KCNN2: variants seen among roughly 807,000 people sequenced by gnomAD.
KCNN2 encodes the protein small conductance calcium-activated potassium channel protein 2.
A neutral mutation model predicts 55.5 loss-of-function variants in KCNN2; 24 were observed. The observed-to-expected ratio is 0.43, with a 90% CI of 0.31 to 0.61. KCNN2 has a LOEUF of 0.61. Among genes scored for constraint, KCNN2 ranks in the 20% least tolerant of loss-of-function variants. The pLI is 0.08. For synonymous variants in KCNN2, 431 were observed against 336.1 expected (o/e 1.28, Z -3.09); for missense variants, 754 against 853.6 (o/e 0.88, Z 1.45).
At chr5:114,107,208 T>C (rs1366913440) in intron 1 of KCNN2, among the ~76,000 whole-genome samples, 2 of 152,108 alleles carry the variant, frequency 1.3e-5, no homozygotes, top group African/African-American at 4.8e-5. Context: ...ATCATACATG[T>C]TTGAGGCTAC....
chr5:114,143,955 C>T (rs528467926), intron 1 of KCNN2, among the ~76,000 whole-genome samples: 46 of 152,174 alleles, frequency 3.0e-4, no homozygotes, highest in Admixed American at 9.2e-4. Flanking sequence ...AAATTATACA[C>T]GAACAAAATT....
At chr5:114,389,632 G>C (rs956817101) in intron 2 of KCNN2, among the ~76,000 whole-genome samples, 1 of 152,118 alleles carries the variant, frequency 6.6e-6, no homozygotes, top group African/African-American at 2.4e-5. Context: ...CAAATACCGT[G>C]TGAACTGTGA....
intron 2 of KCNN2, among the ~76,000 whole-genome samples, chr5:114,317,455 T>G (rs1443167279): frequency 6.6e-6 from 1 of 152,202 alleles, no homozygotes; most frequent in East Asian, 1.9e-4. Flanking sequence ...ATATTATTCA[T>G]TGTTTAAAGT....
intron 1 of KCNN2, among the ~76,000 whole-genome samples, chr5:114,156,715 T>C (rs1752642730): frequency 6.6e-6 from 1 of 152,166 alleles, no homozygotes; most frequent in African/African-American, 2.4e-5. Flanking sequence ...TGGTGATTTG[T>C]GCACATTGAT....
chr5:114,313,194 T>C (rs768964710), intron 2 of KCNN2, among the ~76,000 whole-genome samples: 1 of 152,114 alleles, frequency 6.6e-6, no homozygotes, highest in South Asian at 2.1e-4. Flanking sequence ...TGCTGGAACA[T>C]TGAAGATTGT....
intron 1 of KCNN2, among the ~76,000 whole-genome samples, chr5:114,187,807 C>T (rs933816095): frequency 1.3e-5 from 2 of 149,538 alleles, no homozygotes; most frequent in African/African-American, 4.9e-5. Context: ...TGCCCGGCCC[C>T]CTTTTTTTTC....
In KCNN2 at chr5:114,453,500, C is replaced by T. The variant is rs1437985566; in HGVS notation, c.1638-9549C>T. Among the ~76,000 whole-genome samples the T allele has an allele frequency of 2.6e-5, 4 of 152,276 alleles. No homozygotes were observed. The East Asian group carries it at 7.7e-4, about 29-fold the overall frequency. On this transcript the variant is annotated intron_variant, in intron 3 of 7. Coordinates refer to ENST00000673685, the MANE Select transcript of KCNN2 (RefSeq NM_021614.4). ...CCATGACTTAGGTCATTTCTTATTTCGTATACATATTCTCAGTAGAATCTT... is the reference window on the plus strand; with the variant it reads ...CCATGACTTAGGTCATTTCTTATTTTGTATACATATTCTCAGTAGAATCTT...
intron 2 of KCNN2, among the ~76,000 whole-genome samples, chr5:114,369,015 A>G (rs772673401): frequency 3.9e-5 from 6 of 151,992 alleles, no homozygotes; most frequent in Non-Finnish European, 7.4e-5. Flanking sequence ...ATCCTTATAT[A>G]TTTATTTTAA....
chr5:114,101,126 G>C (rs903179642), intron 1 of KCNN2, among the ~76,000 whole-genome samples: 6 of 151,720 alleles, frequency 4.0e-5, no homozygotes, highest in Non-Finnish European at 7.4e-5. Context: ...ATATTATTTG[G>C]TACATGTTTA....
chr5:114,344,720 C>T (rs1483163421), intron 2 of KCNN2, among the ~76,000 whole-genome samples: 2 of 152,192 alleles, frequency 1.3e-5, no homozygotes, highest in Admixed American at 6.5e-5. Context: ...AGAGTCTAAG[C>T]GTTTAGAGGT....
chr5:114,339,099 TTC>T (rs1421360434), intron 2 of KCNN2, among the ~76,000 whole-genome samples: 1 of 152,224 alleles, frequency 6.6e-6, no homozygotes, highest in East Asian at 1.9e-4. Flanking sequence ...TTGGTGGTTT[TTC>T]TCTTTCTTTG....
rs369323751 is a variant in KCNN2, at chr5:114,430,062, T to C, written c.1637+25206T>C. ...TAAGTCTCGAAGTCAAATAGTGTTATTCCTCTAAACTTATTCTTCTCCTTC... is the reference window on the plus strand; with the variant it reads ...TAAGTCTCGAAGTCAAATAGTGTTACTCCTCTAAACTTATTCTTCTCCTTC... On this transcript the variant is annotated intron_variant, in intron 3 of 7. Transcript: ENST00000673685. Among the ~76,000 whole-genome samples, 21 of 152,200 alleles carry C rather than the reference T, an allele frequency of 1.4e-4. No homozygotes were observed. In the South Asian group the frequency reaches 4.4e-3, roughly 32 times the overall value.
At chr5:114,206,656 T>C (rs932444859) in intron 1 of KCNN2, among the ~76,000 whole-genome samples, 1 of 152,114 alleles carries the variant, frequency 6.6e-6, no homozygotes, top group African/African-American at 2.4e-5. Context: ...TTTACTGGTC[T>C]CCTTTTCTTT....
chr5:114,119,380 T>C (rs984534463), intron 1 of KCNN2, among the ~76,000 whole-genome samples: 2 of 152,246 alleles, frequency 1.3e-5, no homozygotes, highest in Non-Finnish European at 2.9e-5. Flanking sequence ...GTGTTTTCCA[T>C]TGGCTTCTTT....
chr5:114,219,601 G>C lies in KCNN2; in HGVS notation c.-270-1879G>C, dbSNP rs933663163. 5.9e-5 allele frequency among the ~76,000 whole-genome samples: 9 copies of C among 152,170 alleles called. No homozygotes were observed. The South Asian group carries it at 1.7e-3, about 28-fold the overall frequency. On this transcript the variant is annotated intron_variant, in intron 1 of 10. Transcript: ENST00000512097. ...AATCTCATCTACCAGCTGAGTCTGG[G>C]GTTTTTATAGGCACAGGATGGGGCA...
chr5:114,308,254 A>G (rs1756327811), intron 2 of KCNN2, among the ~76,000 whole-genome samples: 2 of 152,136 alleles, frequency 1.3e-5, no homozygotes, highest in South Asian at 4.1e-4. Flanking sequence ...CCAAAAGCCC[A>G]TTGTCATATC....
chr5:114,296,453 G>A (rs1756013995), intron 2 of KCNN2, among the ~76,000 whole-genome samples: 2 of 152,226 alleles, frequency 1.3e-5, no homozygotes, highest in Admixed American at 6.5e-5. Context: ...TGTAAGACTA[G>A]AAGAGAAAGT....
At chr5:114,162,329 C>T (rs1334353071) in intron 1 of KCNN2, among the ~76,000 whole-genome samples, 1 of 149,398 alleles carries the variant, frequency 6.7e-6, no homozygotes, top group East Asian at 1.9e-4. Flanking sequence ...TATCGGTGAA[C>T]CGCAAATGCT....
At chr5:114,322,652 A>G (rs1561570759) in intron 2 of KCNN2, among the ~76,000 whole-genome samples, 1 of 151,906 alleles carries the variant, frequency 6.6e-6, no homozygotes, top group Non-Finnish European at 1.5e-5. Flanking sequence ...ATTTTAATTG[A>G]TGCTGCAGCT....
Sources: gnomAD v4.1 joint callset for allele counts (sites outside exome capture counted in the v4.1 genomes callset) on GRCh38, gnomAD v4.1.1 for gene constraint, MANE v1.5 for transcripts, NCBI Gene and HGNC (gene_info 2026-07-23, HGNC 2026-07-21) for gene names.